Variants in PRUNE2 observed in about 807,000 individuals in gnomAD.
The protein encoded by PRUNE2 is prune homolog 2 with BCH domain, also known as protein prune homolog 2.
Under a neutral mutation model 252.0 loss-of-function variants are expected in PRUNE2, and 164 were observed. The ratio of observed to expected loss-of-function variants is 0.65; its 90% CI spans 0.57 to 0.74. The LOEUF (loss-of-function observed/expected upper bound fraction) is 0.74, where lower values mean the gene tolerates loss of function less well. Among genes scored for constraint, PRUNE2 ranks in the 30% least tolerant of loss-of-function variants. The probability of loss-of-function intolerance (pLI) is 0.00; values close to 1 mark genes in which losing one functional copy is unlikely to be tolerated. For synonymous variants in PRUNE2, 1,292 were observed against 1,350.2 expected (o/e 0.96, Z 0.94); for missense variants, 3,495 against 3,711.0 (o/e 0.94, Z 1.51).
At position 76,703,841 on chromosome 9, in the gene PRUNE2, A is replaced by G. The variant is rs771938925; in HGVS notation, c.7772T>C (p.Leu2591Ser). 1.4e-5 allele frequency: 22 copies of G among 1,613,874 alleles called. No homozygotes were observed. The highest frequency in any genetic ancestry group is 2.7e-5 in the African/African-American group (2 of 74,926). Reference protein sequence around the residue: ...SKETGLQGTQLASFPDTCQPA... With the variant: ...SKETGLQGTQSASFPDTCQPA... Reference sequence around the variant, plus strand: ...CTGACATGTGTCTGGGAAGCTTGCTAACTGAGTTCCCTGCAGCCCTGTTTC... The same window carrying G: ...CTGACATGTGTCTGGGAAGCTTGCTGACTGAGTTCCCTGCAGCCCTGTTTC... The change falls in exon 9 of 19, where the codon TTA becomes TCA. Residue 2591 changes from leucine (L) to serine (S), a missense_variant. Leu to Ser is a moderately radical substitution (Grantham distance 145, BLOSUM62 -2). Coordinates refer to ENST00000376718, the MANE Select transcript of PRUNE2 (RefSeq NM_015225.3).
rs867157596 is a variant in PRUNE2, at chr9:76,774,464, T to A, written c.756+49168A>T. ...CCAGTTCAACCCTTTTTTTTTTTTT[T>A]TTTTTTTTTTTTTGAGATGGAGTCT... On this transcript the variant is annotated intron_variant, in intron 6 of 18. Coordinates refer to ENST00000376718, the MANE Select transcript of PRUNE2 (RefSeq NM_015225.3). Among the ~76,000 whole-genome samples the A allele has an allele frequency of 2.6e-3, 378 of 142,788 alleles. 2 individuals are homozygous for A. The highest frequency in any genetic ancestry group is 4.2e-3 in the Non-Finnish European group (269 of 64,716). 93.7% of individuals were successfully genotyped at this position (142,788 alleles called of 152,430 possible). A position where few individuals can be genotyped will look rare whatever the true frequency, so the allele number is the denominator to read the frequency against.
At chr9:76,763,768 G>A (rs1469964432) in intron 6 of PRUNE2, among the ~76,000 whole-genome samples, 1 of 152,170 alleles carries the variant, frequency 6.6e-6, no homozygotes, top group Non-Finnish European at 1.5e-5. Flanking sequence ...GAGAGGGGTA[G>A]TGGGGAAGAG....
At chr9:76,685,907 G>T (rs2044029567) in intron 9 of PRUNE2, among the ~76,000 whole-genome samples, 1 of 152,174 alleles carries the variant, frequency 6.6e-6, no homozygotes, top group African/African-American at 2.4e-5. Context: ...CCCTTCTATG[G>T]CTGCCTGACA....
chr9:76,671,911 A>G (rs1344141331), intron 9 of PRUNE2, among the ~76,000 whole-genome samples: 4 of 152,152 alleles, frequency 2.6e-5, no homozygotes, highest in African/African-American at 9.7e-5. Context: ...AGCACTAAAC[A>G]TGGAAAGGAA....
chr9:76,885,033 G>A (rs1009539028), intron 1 of PRUNE2, among the ~76,000 whole-genome samples: 9 of 152,316 alleles, frequency 5.9e-5, no homozygotes, highest in South Asian at 4.1e-4. Context: ...TTTTCACAGC[G>A]GCCAATCTGT....
At chr9:76,828,281 T>C (rs1229206102) in intron 4 of PRUNE2, among the ~76,000 whole-genome samples, 2 of 152,112 alleles carry the variant, frequency 1.3e-5, no homozygotes, top group African/African-American at 4.8e-5. Flanking sequence ...TGGGAGGGAA[T>C]TGGGCCAGTT....
chr9:76,773,734 G>T (rs1014532452), intron 6 of PRUNE2, among the ~76,000 whole-genome samples: 1 of 152,100 alleles, frequency 6.6e-6, no homozygotes, highest in African/African-American at 2.4e-5. Context: ...GTGAGCCACC[G>T]CACCCGGCCA....
chr9:76,639,847 T>C (rs1841803301), intron 12 of PRUNE2, among the ~76,000 whole-genome samples: 2 of 152,138 alleles, frequency 1.3e-5, no homozygotes, highest in South Asian at 2.1e-4. Flanking sequence ...TCAAGGAACA[T>C]GTAGATACAT....
At chr9:76,642,844 C>T (rs896281614) in intron 12 of PRUNE2, among the ~76,000 whole-genome samples, 5 of 152,040 alleles carry the variant, frequency 3.3e-5, no homozygotes, top group South Asian at 2.1e-4. Flanking sequence ...TCTAAAGTTC[C>T]GGATGGGTGC....
At chr9:76,901,141 T>G (rs2063146838) in intron 1 of PRUNE2, among the ~76,000 whole-genome samples, 2 of 152,128 alleles carry the variant, frequency 1.3e-5, no homozygotes, top group African/African-American at 4.8e-5. Flanking sequence ...AAAGTATGGC[T>G]CTTCTCCAAA....
At chr9:76,828,338 C>T (rs1455864912) in intron 4 of PRUNE2, among the ~76,000 whole-genome samples, 1 of 152,040 alleles carries the variant, frequency 6.6e-6, no homozygotes, top group Non-Finnish European at 1.5e-5. Context: ...ATGATTTTAG[C>T]AAGGGAAATG....
At chr9:76,775,063 A>T (rs1252766584) in intron 6 of PRUNE2, among the ~76,000 whole-genome samples, 1 of 144,196 alleles carries the variant, frequency 6.9e-6, no homozygotes, top group African/African-American at 2.6e-5. Flanking sequence ...TCAAGTCCCA[A>T]AGAAGAAAAA....
At chr9:76,618,743 C>T (rs1388833587) in intron 18 of PRUNE2, among the ~76,000 whole-genome samples, 1 of 152,220 alleles carries the variant, frequency 6.6e-6, no homozygotes, top group Non-Finnish European at 1.5e-5. Flanking sequence ...CTCCATGCCT[C>T]TCTTTCCTCA....
intron 6 of PRUNE2, among the ~76,000 whole-genome samples, chr9:76,724,303 CAAAAAAAAAAAAA>C (rs796291956): frequency 7.1e-4 from 49 of 69,410 alleles, no homozygotes; most frequent in Non-Finnish European, 7.6e-4. Context: ...GATAGAAATA[CAAAAAAAAAAAAA>C]AAAAAAAAAT....
In PRUNE2 at chr9:76,710,304, C is replaced by T. The variant is rs1304223639; in HGVS notation, c.1970G>A (p.Trp657Ter). 8 of 1,613,982 alleles carry T rather than the reference C, an allele frequency of 5.0e-6. No individual in the cohort carries two copies. Among genetic ancestry groups the T allele is most frequent in the Non-Finnish European group, 6.8e-6 (8 of 1,179,896 alleles). Reference sequence around the variant, plus strand: ...TTTGGAGTCAATTTCCAAACCACCCCACCAGCTGCTGCACCGTGCATGGGT... The same window carrying T: ...TTTGGAGTCAATTTCCAAACCACCCTACCAGCTGCTGCACCGTGCATGGGT... The part of the protein sequence containing the change: ...PQTHARCSSW[W>*]GGLEIDSKNI... The change falls in exon 8 of 19, where the codon TGG becomes TAG. Residue 657 changes from tryptophan (W) to a stop codon, truncating the protein, a stop_gained. Coordinates refer to ENST00000376718, the MANE Select transcript of PRUNE2 (RefSeq NM_015225.3). LOFTEE classifies it high-confidence loss of function.
chr9:76,670,682 T>C (rs2041227557), intron 9 of PRUNE2, among the ~76,000 whole-genome samples: 1 of 151,986 alleles, frequency 6.6e-6, no homozygotes, highest in African/African-American at 2.4e-5. Context: ...GCAGTGGTTC[T>C]CCCAGCACGC....
rs749083447 is a variant in PRUNE2, at chr9:76,707,631, G to A, written c.4643C>T (p.Pro1548Leu). Residue 1548 changes from proline (P) to leucine (L), a missense_variant, in exon 8 of 19, where the codon CCT becomes CTT. Physicochemically the swap from Pro to Leu is moderately conservative, Grantham distance 98 (BLOSUM62 -3). Transcript: ENST00000376718. ...TGCAACTGAAGAGTCATTTAACTCAGGACTTGATGCACTTGAATGAGTATA... is the reference window on the plus strand; with the variant it reads ...TGCAACTGAAGAGTCATTTAACTCAAGACTTGATGCACTTGAATGAGTATA... ...SEYTHSSASS[P>L]ELNDSSVALS... 6.2e-7 allele frequency: 1 copy of A among 1,613,848 alleles called. No homozygotes were observed.
chr9:76,719,515 G>C (rs1240869036), intron 6 of PRUNE2, among the ~76,000 whole-genome samples: 1 of 151,790 alleles, frequency 6.6e-6, no homozygotes, highest in Non-Finnish European at 1.5e-5. Flanking sequence ...GCCGAGCATG[G>C]TGGCTCACAT....
chr9:76,836,729 C>G (rs563184464), intron 4 of PRUNE2, among the ~76,000 whole-genome samples: 6 of 152,172 alleles, frequency 3.9e-5, no homozygotes, highest in Non-Finnish European at 5.9e-5. Context: ...CAAATTATTT[C>G]TATTTTGTTA....
Sources: gnomAD v4.1 joint callset for allele counts (sites outside exome capture counted in the v4.1 genomes callset) on GRCh38, gnomAD v4.1.1 for gene constraint, MANE v1.5 for transcripts, NCBI Gene and HGNC (gene_info 2026-07-23, HGNC 2026-07-21) for gene names.